CDH20: variants seen among roughly 807,000 people sequenced by gnomAD.
CDH20 encodes the protein cadherin-20.
In CDH20, 29 loss-of-function variants were observed where a neutral mutation model predicts 74.2. That is an observed-to-expected ratio of 0.39 (90% confidence interval 0.29 to 0.53). The LOEUF (loss-of-function observed/expected upper bound fraction) is 0.53. Ranked by LOEUF, CDH20 falls within the 20% of genes least tolerant of loss-of-function variation. The probability of loss-of-function intolerance (pLI) is 0.69; values close to 1 mark genes in which losing one functional copy is unlikely to be tolerated. For synonymous variants in CDH20, 469 were observed against 405.4 expected, an observed-to-expected ratio of 1.16 and a Z score of -1.88; for missense variants, 988 against 1,048.3, an observed-to-expected ratio of 0.94 and a Z score of 0.79.
chr18:61,373,746 G>A (rs1020496883), intron 1 of CDH20, among the ~76,000 whole-genome samples: 1 of 152,080 alleles, frequency 6.6e-6, no homozygotes, highest in African/African-American at 2.4e-5. Context: ...TCTTGCCTTG[G>A]CATCTGGGAC....
intron 1 of CDH20, among the ~76,000 whole-genome samples, chr18:61,406,371 T>C (rs1335078594): frequency 6.6e-6 from 1 of 152,232 alleles, no homozygotes; most frequent in Non-Finnish European, 1.5e-5. Context: ...CTCACTCATT[T>C]GTTCATTCTA....
chr18:61,533,015 T>G (rs1405118664), intron 7 of CDH20, among the ~76,000 whole-genome samples: 1 of 152,342 alleles, frequency 6.6e-6, no homozygotes, highest in Non-Finnish European at 1.5e-5. Context: ...TTGCAGTGGC[T>G]TATGCCTGTA....
At chr18:61,366,129 C>CA (rs1446085591) in intron 1 of CDH20, among the ~76,000 whole-genome samples, 1 of 152,154 alleles carries the variant, frequency 6.6e-6, no homozygotes, top group African/African-American at 2.4e-5. Context: ...GCTGAACTCT[C>CA]AAATTTCATT....
intron 1 of CDH20, among the ~76,000 whole-genome samples, chr18:61,465,692 A>C (rs1385467640): frequency 6.6e-6 from 1 of 152,178 alleles, no homozygotes; most frequent in Non-Finnish European, 1.5e-5. Flanking sequence ...GAAATGAAGC[A>C]AGAAGGTCAA....
chr18:61,502,920 A>AT (rs770028720), intron 4 of CDH20, 33 bp from the exon 5 acceptor site: 1 of 1,557,234 alleles, frequency 6.4e-7, no homozygotes, highest in South Asian at 1.2e-5. Flanking sequence ...CTGTGGTTTT[A>AT]TTTTTATAAA....
chr18:61,425,961 A>G (rs902484561), intron 1 of CDH20, among the ~76,000 whole-genome samples: 2 of 151,984 alleles, frequency 1.3e-5, no homozygotes, highest in African/African-American at 4.8e-5. Flanking sequence ...CCAGTACTTC[A>G]CTCTTTTTGA....
intron 1 of CDH20, chr18:61,404,797 CTTTTT>C (rs71178967): frequency 9.4e-5 from 21 of 223,732 alleles, no homozygotes; most frequent in East Asian, 2.0e-4. Flanking sequence ...AAATTGTCAA[CTTTTT>C]TTTTTTTTTT....
intron 1 of CDH20, among the ~76,000 whole-genome samples, chr18:61,381,975 C>G (rs532295414): frequency 1.6e-4 from 24 of 152,176 alleles, no homozygotes; most frequent in Non-Finnish European, 3.5e-4. Flanking sequence ...CTACCCCCCC[C>G]AGTATGGTCA....
intron 1 of CDH20, among the ~76,000 whole-genome samples, chr18:61,435,544 T>C (rs1373592676): frequency 6.6e-6 from 1 of 151,986 alleles, no homozygotes; most frequent in Non-Finnish European, 1.5e-5. Flanking sequence ...AATAAGAAGT[T>C]GACCTTTATA....
intron 9 of CDH20, among the ~76,000 whole-genome samples, chr18:61,543,601 A>G (rs1215472176): frequency 6.6e-6 from 1 of 152,190 alleles, no homozygotes; most frequent in Admixed American, 6.5e-5. Context: ...GTCCAAGAGG[A>G]AGCCACCTGA....
intron 1 of CDH20, among the ~76,000 whole-genome samples, chr18:61,392,423 C>A (rs1911821736): frequency 6.6e-6 from 1 of 152,122 alleles, no homozygotes; most frequent in Admixed American, 6.6e-5. Flanking sequence ...CTGTAAAGGA[C>A]TTGAGGGGTT....
At chr18:61,408,773 T>A (rs1380434388) in intron 1 of CDH20, among the ~76,000 whole-genome samples, 1 of 152,192 alleles carries the variant, frequency 6.6e-6, no homozygotes, top group Non-Finnish European at 1.5e-5. Context: ...TAGCCAACTG[T>A]GGAAGCCAAA....
At chr18:61,464,116 T>G (rs537378934) in intron 1 of CDH20, among the ~76,000 whole-genome samples, 2 of 152,350 alleles carry the variant, frequency 1.3e-5, no homozygotes, top group South Asian at 4.1e-4. Flanking sequence ...TATTACTATA[T>G]AGCACAGTAA....
chr18:61,391,227 G>C (rs2144203174), intron 1 of CDH20, among the ~76,000 whole-genome samples: 1 of 152,236 alleles, frequency 6.6e-6, no homozygotes, highest in South Asian at 2.1e-4. Flanking sequence ...AAGATGGCCA[G>C]TCTCATGAGT....
chr18:61,377,620 A>T (rs11876792), intron 1 of CDH20, among the ~76,000 whole-genome samples: 99 of 152,224 alleles, frequency 6.5e-4, no homozygotes, highest in African/African-American at 2.3e-3. Context: ...TAATATTTTT[A>T]AATATTTTAC....
At chr18:61,429,795 A>G (rs1351407349) in intron 1 of CDH20, among the ~76,000 whole-genome samples, 1 of 152,216 alleles carries the variant, frequency 6.6e-6, no homozygotes, top group Non-Finnish European at 1.5e-5. Context: ...TTGAGAAATC[A>G]TCCCTTCCCA....
chr18:61,381,398 T>C (rs1364435765), intron 1 of CDH20, among the ~76,000 whole-genome samples: 1 of 152,244 alleles, frequency 6.6e-6, no homozygotes, highest in African/African-American at 2.4e-5. Context: ...TGTTAGTCTG[T>C]TCCCTAAATA....
In CDH20 at chr18:61,523,918, G is replaced by A. The variant is rs139450038; in HGVS notation, c.1018-4049G>A. Among the ~76,000 whole-genome samples the A allele has an allele frequency of 8.7e-3, 1,319 of 152,192 alleles. 20 individuals are homozygous for A. The highest frequency in any genetic ancestry group is 0.06 in the South Asian group (289 of 4,816). On this transcript the variant is annotated intron_variant, in intron 6 of 11. Coordinates refer to ENST00000262717, the MANE Select transcript of CDH20 (RefSeq NM_031891.4). Reference sequence around the variant, plus strand: ...CACGCACCAGGGCCTGTCAGGGGTCGGGGGCTAGGGGAGGGATAGCATTAG... The same window carrying A: ...CACGCACCAGGGCCTGTCAGGGGTCAGGGGCTAGGGGAGGGATAGCATTAG...
At chr18:61,499,928 CCT>C (rs1401659386) in intron 3 of CDH20, among the ~76,000 whole-genome samples, 3 of 151,014 alleles carry the variant, frequency 2.0e-5, no homozygotes, top group African/African-American at 7.3e-5. Flanking sequence ...TACTAAATAC[CCT>C]GTCTCTACTA....
Sources: allele counts gnomAD v4.1 joint callset (sites outside exome capture counted in the v4.1 genomes callset), GRCh38; gene constraint gnomAD v4.1.1; transcripts MANE v1.5; gene names NCBI Gene and HGNC (gene_info 2026-07-23, HGNC 2026-07-21).